GAS5: variants seen among roughly 807,000 people sequenced by gnomAD.
GAS5 encodes the protein growth arrest specific 5 (non-protein coding).
upstream of GAS5, chr1:173,867,671 G>A (rs1317997067): frequency 1.9e-6 from 1 of 519,126 alleles, no homozygotes; most frequent in Non-Finnish European, 3.8e-6. Context: ...GACTCGGCAT[G>A]TGCCACCATC....
rs114972656 is a variant in GAS5 at position 173,866,209 on chromosome 1, G to A, written n.132-3C>T. On this transcript the variant is annotated splice_polypyrimidine_tract_variant and splice_region_variant and intron_variant and non_coding_transcript_variant, in intron 3 of 7. Transcript: ENST00000651080. The stretch of plus-strand genomic sequence containing the variant: ...ACTTCCAGCTTTCTGTCTAATGCCT[G>A]TAATTTTAATACAAAATTGTCAGCA... 2,043 of 480,012 alleles carry A rather than the reference G, an allele frequency of 4.3e-3. 9 individuals are homozygous for A. Among genetic ancestry groups the A allele is most frequent in the Middle Eastern group, 7.8e-3 (22 of 2,824 alleles). 29.7% of individuals were successfully genotyped at this position (480,012 alleles called of 1,614,324 possible).
At chr1:173,867,583 T>C (rs1262084777), upstream of GAS5, 5 of 510,800 alleles carry the variant, frequency 9.8e-6, no homozygotes, top group East Asian at 2.2e-4. Flanking sequence ...GCACGTGGAC[T>C]ACCACCGACA....
At chr1:173,867,099 G>T, upstream of GAS5, 1 of 625,490 alleles carries the variant, frequency 1.6e-6, no homozygotes, top group South Asian at 1.9e-5. Context: ...TTTTTTTAAA[G>T]AGTGTTCTTT....
At chr1:173,865,386 CAGAG>C (rs753997529) in intron 6 of GAS5, 3 of 515,824 alleles carry the variant, frequency 5.8e-6, no homozygotes, top group Non-Finnish European at 7.7e-6. Context: ...TTTTCTTTCT[CAGAG>C]AGATTCCCAT....
chr1:173,867,714 G>A (rs757075096), upstream of GAS5: 12 of 519,116 alleles, frequency 2.3e-5, no homozygotes, highest in Non-Finnish European at 4.6e-5. Context: ...ACTCTCAGAT[G>A]TCCCTACCAA....
chr1:173,866,637 C>CTAAA (rs1654714893), intron 2 of GAS5: 1 of 764,118 alleles, frequency 1.3e-6, no homozygotes, highest in Non-Finnish European at 2.4e-6. Context: ...TTTTGGGTGC[C>CTAAA]TCAGTTAAGA....
intron 6 of GAS5, chr1:173,865,378 T>G: frequency 1.9e-6 from 1 of 515,612 alleles, no homozygotes. Flanking sequence ...AATCTCCATT[T>G]TCTTTCTCAG....
chr1:173,863,981 G>C (rs1654168050), intron 7 of GAS5: 1 of 322,196 alleles, frequency 3.1e-6, no homozygotes, highest in Non-Finnish European at 6.3e-6. Flanking sequence ...AGTCTACAAA[G>C]ACCACTGGGA....
intron 2 of GAS5, chr1:173,866,696 A>G (rs373553889): frequency 6.5e-6 from 5 of 765,274 alleles, no homozygotes; most frequent in South Asian, 1.3e-5. Context: ...AGTAGCAAAT[A>G]AACTGTCATC....
intron 5 of GAS5, chr1:173,865,728 T>C (rs1346165886): frequency 3.9e-6 from 2 of 519,080 alleles, no homozygotes; most frequent in African/African-American, 3.9e-5. Flanking sequence ...ACATAAACAC[T>C]GTTCCAGACA....
chr1:173,866,852 G>A (rs1175404184), intron 1 of GAS5: 2 of 765,476 alleles, frequency 2.6e-6, no homozygotes, highest in Admixed American at 1.7e-5. Context: ...CAGCAGTCAC[G>A]TTAAATATAA....
intron 4 of GAS5, chr1:173,866,017 TCA>T: frequency 1.9e-6 from 1 of 519,016 alleles, no homozygotes; most frequent in Non-Finnish European, 3.8e-6. Flanking sequence ...CATTTGCTTA[TCA>T]TCATCCAGGC....
At chr1:173,866,487 A>T in intron 3 of GAS5, 1 of 654,648 alleles carries the variant, frequency 1.5e-6, no homozygotes, top group Admixed American at 2.0e-5. Context: ...GCTATTTTCT[A>T]ATCCCTTAAA....
chr1:173,868,012 G>C (rs777060034), upstream of GAS5: 7 of 215,302 alleles, frequency 3.3e-5, no homozygotes, highest in Non-Finnish European at 5.9e-5. Context: ...CTGGGCTCCT[G>C]TATATAAGAG....
chr1:173,867,762 C>T, upstream of GAS5: 1 of 519,172 alleles, frequency 1.9e-6, no homozygotes, highest in South Asian at 1.4e-5. Context: ...AGAGCCGAGG[C>T]TTCTCCGCAG....
chr1:173,865,792 C>T, intron 5 of GAS5: 3 of 516,566 alleles, frequency 5.8e-6, no homozygotes, highest in Non-Finnish European at 1.2e-5. Context: ...GCCATTAGCT[C>T]AGCAGTAAGC....
exon 6 of GAS5, chr1:173,865,522 T>C (rs1654450435): frequency 2.0e-6 from 1 of 512,730 alleles, no homozygotes; most frequent in Non-Finnish European, 3.9e-6. Context: ...AAGCAAGTCA[T>C]CCATGGATAA....
At chr1:173,865,080 T>C (rs909408616) in intron 6 of GAS5, 5 of 348,688 alleles carry the variant, frequency 1.4e-5, no homozygotes, top group Non-Finnish European at 2.8e-5. Context: ...ATGCCTGTAA[T>C]CCCAGCTACT....
At chr1:173,865,310 T>C (rs529078552) in intron 6 of GAS5, 11 of 463,350 alleles carry the variant, frequency 2.4e-5, no homozygotes, top group South Asian at 1.6e-4. Flanking sequence ...CCTTTACCAA[T>C]AGGTAGTAAT....
Sources: allele counts gnomAD v4.1 joint callset, GRCh38; gene constraint gnomAD v4.1.1; transcripts MANE v1.5; gene names NCBI Gene and HGNC (gene_info 2026-07-23, HGNC 2026-07-21).